The following NCOA4 variants were observed in gnomAD, a reference collection of about 807,000 sequenced individuals.
The protein encoded by NCOA4 is nuclear receptor coactivator 4, also known as 70 kDa AR-activator.
A neutral mutation model predicts 69.5 loss-of-function variants in NCOA4; 31 were observed. The ratio of observed to expected loss-of-function variants is 0.45; its 90% CI spans 0.34 to 0.60. NCOA4 has a LOEUF of 0.60. NCOA4 is among the 20% of genes least tolerant of loss of function. The pLI, the probability that NCOA4 is intolerant of heterozygous loss-of-function variation, is 0.02. For synonymous variants in NCOA4, 228 were observed against 252.4 expected (o/e 0.90, Z 0.92); for missense variants, 600 against 719.2 (o/e 0.83, Z 1.90).
intron 4 of NCOA4, 111 bp from the exon 5 acceptor site, chr10:46,014,663 G>A: frequency 1.2e-6 from 1 of 857,096 alleles, no homozygotes; most frequent in Middle Eastern, 2.6e-4. Context: ...ACTTCTCTAA[G>A]AAACTCAACC....
intron 1 of NCOA4, chr10:46,022,534 C>T (rs1315937746): frequency 9.1e-6 from 4 of 438,424 alleles, no homozygotes; most frequent in East Asian, 7.0e-5. Flanking sequence ...GGCGCGATCT[C>T]ACTGCAAGCT....
Position 46,005,823 on chromosome 10 carries a change from G to C in NCOA4, c.*769C>G, listed in dbSNP as rs1838778328. ...TGTCTTTTGCCTATTTGCTTAGTCG[G>C]TACTGGGGTTCTTTTAAGCCCCGTA... On this transcript the variant is annotated 3_prime_UTR_variant, in exon 10 of 10. Coordinates refer to ENST00000581486, the MANE Select transcript of NCOA4 (RefSeq NM_001145263.2). 1 of 209,290 alleles carries C rather than the reference G, an allele frequency of 4.8e-6. No individual in the cohort carries two copies. Among genetic ancestry groups the C allele is most frequent in the African/African-American group, 2.3e-5 (1 of 43,998 alleles). 13.0% of individuals were successfully genotyped at this position (209,290 alleles called of 1,614,324 possible). A position where few individuals can be genotyped will look rare whatever the true frequency, so the allele number is the denominator to read the frequency against.
At chr10:46,013,728 C>T in intron 5 of NCOA4, 89 bp from the exon 6 acceptor site, 2 of 874,140 alleles carry the variant, frequency 2.3e-6, no homozygotes, top group Middle Eastern at 2.3e-4. Context: ...AATGTTAAAG[C>T]ATTACCATTT....
intron 1 of NCOA4, among the ~76,000 whole-genome samples, chr10:46,018,603 A>G (rs1839702425): frequency 6.6e-6 from 1 of 152,220 alleles, no homozygotes; most frequent in South Asian, 2.1e-4. Context: ...AAGGCTGTTT[A>G]GCCTAGATAA....
intron 9 of NCOA4, chr10:46,009,162 G>A (rs1590149444): frequency 9.0e-6 from 14 of 1,550,956 alleles, no homozygotes; most frequent in Non-Finnish European, 1.2e-5. Flanking sequence ...ATCCACATGG[G>A]ATCTGAAAAT....
intron 1 of NCOA4, among the ~76,000 whole-genome samples, chr10:46,025,677 T>C (rs185971075): frequency 6.6e-6 from 1 of 152,364 alleles, no homozygotes; most frequent in East Asian, 1.9e-4. Context: ...TCACCATCAC[T>C]AACTACAAAG....
At chr10:46,012,560 G>C (rs1554921957) in intron 7 of NCOA4, among the ~76,000 whole-genome samples, 3 of 151,822 alleles carry the variant, frequency 2.0e-5, no homozygotes, top group Non-Finnish European at 2.9e-5. Context: ...TACCGAAACA[G>C]GACTTACAGA....
chr10:46,023,568 C>A, intron 1 of NCOA4: 1 of 965,098 alleles, frequency 1.0e-6, no homozygotes, highest in Non-Finnish European at 1.2e-6. Flanking sequence ...CTCGCGGCCC[C>A]CCTGCAGCTC....
chr10:46,026,419 G>A (rs547033213), intron 1 of NCOA4, among the ~76,000 whole-genome samples: 2 of 152,266 alleles, frequency 1.3e-5, no homozygotes, highest in South Asian at 2.1e-4. Context: ...TTTTTCTTCA[G>A]AGTTGGCAGT....
chr10:46,015,958 G>T (rs782020666), intron 2 of NCOA4, among the ~76,000 whole-genome samples: 1 of 152,112 alleles, frequency 6.6e-6, no homozygotes, highest in African/African-American at 2.4e-5. Context: ...TAAATTATCC[G>T]TGACAATATA....
chr10:46,030,281 G>A (rs2132400598), intron 1 of NCOA4, among the ~76,000 whole-genome samples: 1 of 152,218 alleles, frequency 6.6e-6, no homozygotes, highest in South Asian at 2.1e-4. Flanking sequence ...ACAAGCCCGG[G>A]CCCGGCGTGT....
intron 9 of NCOA4, among the ~76,000 whole-genome samples, chr10:46,008,727 C>G (rs553156013): frequency 9.3e-4 from 142 of 151,972 alleles, no homozygotes; most frequent in African/African-American, 3.1e-3. Context: ...GGATAAAATG[C>G]TATCACACAG....
At chr10:46,021,264 A>G (rs1348412592) in intron 1 of NCOA4, among the ~76,000 whole-genome samples, 1 of 152,224 alleles carries the variant, frequency 6.6e-6, no homozygotes, top group Non-Finnish European at 1.5e-5. Context: ...AAAGCTGAAA[A>G]ATAGCTCCTC....
intron 1 of NCOA4, among the ~76,000 whole-genome samples, chr10:46,024,425 G>T (rs557355191): frequency 2.0e-5 from 3 of 152,026 alleles, no homozygotes; most frequent in African/African-American, 7.3e-5. Context: ...CTTAACCAAC[G>T]GTCTCTGTTC....
In NCOA4 at chr10:46,006,489, T is replaced by A. The variant is rs1838815359; in HGVS notation, c.*103A>T. On this transcript the variant is annotated 3_prime_UTR_variant, in exon 10 of 10. Transcript: ENST00000581486. Reference sequence around the variant, plus strand: ...AAATTAGGCAGGAGAAGAACTAAGCTAATTGGTCAGACCCAGAAACACAAA... The same window carrying A: ...AAATTAGGCAGGAGAAGAACTAAGCAAATTGGTCAGACCCAGAAACACAAA... The A allele has an allele frequency of 2.3e-6, 3 of 1,316,156 alleles. No individual in the cohort carries two copies. The highest frequency in any genetic ancestry group is 3.3e-6 in the Non-Finnish European group (3 of 910,344). The allele number at this position is 1,316,156 out of a possible 1,614,324, so 81.5% of individuals were successfully genotyped here.
chr10:46,009,987 C>T (rs1184935678), intron 8 of NCOA4, among the ~76,000 whole-genome samples: 26 of 152,024 alleles, frequency 1.7e-4, no homozygotes, highest in Non-Finnish European at 1.5e-4. Flanking sequence ...AGGCCAAAAC[C>T]CCATCTCTAC....
intron 8 of NCOA4, 87 bp downstream of exon 8, chr10:46,010,136 C>A (rs1273375092): frequency 6.8e-6 from 10 of 1,473,550 alleles, no homozygotes; most frequent in Non-Finnish European, 9.0e-6. Context: ...CCACTGCACT[C>A]CAGCCTGAGT....
chr10:46,015,340 C>T, intron 2 of NCOA4, 74 bp from the exon 3 acceptor site: 8 of 659,714 alleles, frequency 1.2e-5, no homozygotes, highest in South Asian at 7.3e-5. Flanking sequence ...TAGTGAGTTT[C>T]TAAAACTTTT....
intron 1 of NCOA4, among the ~76,000 whole-genome samples, chr10:46,018,985 A>T (rs1317127024): frequency 6.6e-6 from 1 of 152,288 alleles, no homozygotes; most frequent in East Asian, 1.9e-4. Flanking sequence ...ATTCTGAGGG[A>T]AGTGGGAAGA....
Sources: gnomAD v4.1 joint callset for allele counts (sites outside exome capture counted in the v4.1 genomes callset) on GRCh38, gnomAD v4.1.1 for gene constraint, MANE v1.5 for transcripts, NCBI Gene and HGNC (gene_info 2026-07-23, HGNC 2026-07-21) for gene names.